CECR2: variants seen among roughly 807,000 people sequenced by gnomAD.
The protein encoded by CECR2 is chromatin remodeling regulator CECR2.
Under a neutral mutation model 154.5 loss-of-function variants are expected in CECR2, and 30 were observed. The ratio of observed to expected loss-of-function variants is 0.19; its 90% confidence interval spans 0.15 to 0.26. The LOEUF is 0.26. Among genes scored for constraint, CECR2 ranks in the 10% least tolerant of loss-of-function variants. The probability of loss-of-function intolerance (pLI) is 1.00; values close to 1 mark genes in which losing one functional copy is unlikely to be tolerated. For synonymous variants in CECR2, 725 were observed against 683.7 expected (o/e 1.06, Z -0.94); for missense variants, 1,743 against 1,829.3 (o/e 0.95, Z 0.86).
At chr22:17,537,305 A>G (rs2056452180) in intron 10 of CECR2, 73 bp downstream of exon 10, 4 of 1,557,212 alleles carry the variant, frequency 2.6e-6, no homozygotes, top group Non-Finnish European at 8.8e-7. Context: ...CACTTGCCCC[A>G]TGTCATCCTT....
At chr22:17,446,252 T>C (rs1470789738) in intron 1 of CECR2, among the ~76,000 whole-genome samples, 1 of 152,228 alleles carries the variant, frequency 6.6e-6, no homozygotes, top group Admixed American at 6.5e-5. Context: ...GGCACATGCC[T>C]ATAGTCCCAG....
intron 2 of CECR2, 99 bp downstream of exon 2, chr22:17,477,781 A>G (rs1219641915): frequency 1.2e-6 from 1 of 839,776 alleles, no homozygotes; most frequent in Non-Finnish European, 2.0e-6. Context: ...AGAACCGATC[A>G]TTAGGCATCA....
At chr22:17,437,688 TCA>T (rs1306369796) in intron 1 of CECR2, among the ~76,000 whole-genome samples, 5 of 152,096 alleles carry the variant, frequency 3.3e-5, no homozygotes, top group African/African-American at 4.8e-5. Context: ...TATCAAGGTG[TCA>T]CACTGTTGAC....
At chr22:17,365,032 C>T (rs1465613944), upstream of CECR2, among the ~76,000 whole-genome samples, 1 of 152,044 alleles carries the variant, frequency 6.6e-6, no homozygotes, top group Non-Finnish European at 1.5e-5. Flanking sequence ...TGAGACCAAC[C>T]TGACCAACAT....
intron 16 of CECR2, among the ~76,000 whole-genome samples, chr22:17,546,963 CAGG>C (rs2056623625): frequency 1.4e-5 from 2 of 144,720 alleles, no homozygotes; most frequent in South Asian, 2.2e-4. Flanking sequence ...CACTTGAACC[CAGG>C]AGGCGGAGGT....
chr22:17,434,167 T>C (rs1450785959), intron 1 of CECR2, among the ~76,000 whole-genome samples: 2 of 152,290 alleles, frequency 1.3e-5, no homozygotes, highest in African/African-American at 4.8e-5. Flanking sequence ...AAGAGGCCTT[T>C]TGCTTCTCTT....
chr22:17,487,590 A>G (rs2055444940), intron 2 of CECR2, among the ~76,000 whole-genome samples: 1 of 152,138 alleles, frequency 6.6e-6, no homozygotes, highest in South Asian at 2.1e-4. Flanking sequence ...AGTCCCAGCT[A>G]CTGAGGCAGG....
At chr22:17,532,872 C>CACGCCTGG (rs2056380105) in intron 9 of CECR2, among the ~76,000 whole-genome samples, 1 of 151,276 alleles carries the variant, frequency 6.6e-6, no homozygotes, top group Non-Finnish European at 1.5e-5. Context: ...CATGTGCCAC[C>CACGCCTGG]ACGCCTGGCA....
intron 1 of CECR2, among the ~76,000 whole-genome samples, chr22:17,435,702 A>G (rs1277179923): frequency 1.3e-5 from 2 of 149,880 alleles, no homozygotes; most frequent in Non-Finnish European, 3.0e-5. Flanking sequence ...AAAAAAAAAA[A>G]AAAAAAAACA....
chr22:17,521,900 C>A (rs192742179), intron 8 of CECR2, among the ~76,000 whole-genome samples: 1 of 152,266 alleles, frequency 6.6e-6, no homozygotes, highest in Admixed American at 6.5e-5. Context: ...ACATTTAAGT[C>A]TTTAATGCAT....
chr22:17,449,858 T>C (rs1276530532), intron 1 of CECR2, among the ~76,000 whole-genome samples: 1 of 152,214 alleles, frequency 6.6e-6, no homozygotes, highest in Non-Finnish European at 1.5e-5. Flanking sequence ...TGCAATGGTC[T>C]GATAAGTTTT....
At chr22:17,466,220 T>C (rs984372176) in intron 1 of CECR2, among the ~76,000 whole-genome samples, 1 of 152,150 alleles carries the variant, frequency 6.6e-6, no homozygotes, top group African/African-American at 2.4e-5. Flanking sequence ...CCAGAGCGCC[T>C]GGCCTTCCGC....
intron 1 of CECR2, among the ~76,000 whole-genome samples, chr22:17,396,498 G>T (rs1171132455): frequency 6.6e-6 from 1 of 152,208 alleles, no homozygotes; most frequent in Admixed American, 6.5e-5. Flanking sequence ...GGTGAGCCGG[G>T]ATTGCACCAT....
Position 17,542,871 on chromosome 22 carries a change from C to G in CECR2, c.2728C>G (p.Pro910Ala). ...TTACCACCCCCACCAGCCTGCACACCCCCGTTTACCTGGCCCTTTTCCGCA... is the reference window on the plus strand; with the variant it reads ...TTACCACCCCCACCAGCCTGCACACGCCCGTTTACCTGGCCCTTTTCCGCA... ...VPYHPHQPAHPRLPGPFPQVA... is the reference protein window; with the variant it reads ...VPYHPHQPAHARLPGPFPQVA... The change falls in exon 16 of 19, where the codon CCC (proline) becomes GCC (alanine). Residue 910 changes from proline to alanine, a missense_variant. By Grantham distance (27) the Pro-to-Ala change is conservative. Coordinates refer to ENST00000262608, the MANE Select transcript of CECR2 (RefSeq NM_001290047.2). 6.2e-7 allele frequency: 1 copy of G among 1,613,958 alleles called. No homozygotes were observed. Among genetic ancestry groups the G allele is most frequent in the Non-Finnish European group, 8.5e-7 (1 of 1,179,880 alleles).
intron 2 of CECR2, among the ~76,000 whole-genome samples, chr22:17,494,729 CTG>C (rs2055591612): frequency 6.6e-6 from 1 of 152,138 alleles, no homozygotes; most frequent in African/African-American, 2.4e-5. Flanking sequence ...GCATCTCACT[CTG>C]TTGCCCAGGC....
intron 1 of CECR2, among the ~76,000 whole-genome samples, chr22:17,435,707 AAAAC>A (rs1201727998): frequency 6.9e-6 from 1 of 144,410 alleles, no homozygotes; most frequent in Non-Finnish European, 1.5e-5. Context: ...AAAAAAAAAA[AAAAC>A]AGGAGCAGGA....
intron 16 of CECR2, among the ~76,000 whole-genome samples, chr22:17,547,252 T>C (rs970240567): frequency 2.0e-5 from 3 of 150,628 alleles, no homozygotes; most frequent in Non-Finnish European, 4.4e-5. Context: ...TTTTTTGAGA[T>C]GGAGTCTCAC....
At chr22:17,377,430 A>C (rs529590686) in intron 1 of CECR2, among the ~76,000 whole-genome samples, 6 of 140,382 alleles carry the variant, frequency 4.3e-5, no homozygotes, top group Non-Finnish European at 9.4e-5. Flanking sequence ...TTCTTACTTC[A>C]TTTTTTTTTT....
At chr22:17,407,264 T>C (rs1325438602) in intron 1 of CECR2, among the ~76,000 whole-genome samples, 6 of 152,196 alleles carry the variant, frequency 3.9e-5, no homozygotes, top group South Asian at 2.1e-4. Context: ...TAGTGAGATA[T>C]AGAGCAAGGC....
Sources: allele counts gnomAD v4.1 joint callset (sites outside exome capture counted in the v4.1 genomes callset), GRCh38; gene constraint gnomAD v4.1.1; transcripts MANE v1.5; gene names NCBI Gene and HGNC (gene_info 2026-07-23, HGNC 2026-07-21).